The following CARMIL3 variants were observed in gnomAD, a reference collection of about 807,000 sequenced individuals.
CARMIL3 encodes capping protein regulator and myosin 1 linker 3.
A neutral mutation model predicts 180.8 loss-of-function variants in CARMIL3; 88 were observed. The ratio of observed to expected loss-of-function variants is 0.49; its 90% CI spans 0.41 to 0.58. The LOEUF is 0.58. Ranked by LOEUF, CARMIL3 falls within the 20% of genes least tolerant of loss-of-function variation. CARMIL3 has a pLI of 0.00. For synonymous variants in CARMIL3, 696 were observed against 714.5 expected (o/e 0.97, Z 0.41); for missense variants, 1,548 against 1,787.0 (o/e 0.87, Z 2.41).
At position 24,052,098 on chromosome 14, in the gene CARMIL3, G is replaced by A. The variant is rs2035621271; in HGVS notation, c.-56G>A. 2 of 1,513,300 alleles carry A rather than the reference G, an allele frequency of 1.3e-6. No homozygotes were observed. Among genetic ancestry groups the A allele is most frequent in the Non-Finnish European group, 1.8e-6 (2 of 1,134,746 alleles). The allele number at this position is 1,513,300 out of a possible 1,614,324, so 93.7% of individuals were successfully genotyped here. On this transcript the variant is annotated 5_prime_UTR_variant, in exon 1 of 40. Transcript: ENST00000342740. Reference sequence around the variant, plus strand: ...TGAAGCCGGGTCTAGCATGTGCCGCGGCTCCCCGGCGGCGGCGGCGGCTCC... The same window carrying A: ...TGAAGCCGGGTCTAGCATGTGCCGCAGCTCCCCGGCGGCGGCGGCGGCTCC...
At chr14:24,060,330 TG>T in intron 24 of CARMIL3, 75 bp downstream of exon 24, 1 of 1,516,326 alleles carries the variant, frequency 6.6e-7, no homozygotes, top group Non-Finnish European at 9.1e-7. Flanking sequence ...GAAAATTGAG[TG>T]GGGGAGCATG....
chr14:24,058,526 G>C lies in CARMIL3; in HGVS notation c.1393-154G>C, dbSNP rs1251029950. ...GCCGAAGGGAGGGAAGCCAGCTCTA[G>C]GGAAGGATCTGGTGTGGGGAAAGAG... On this transcript the variant is annotated intron_variant, in intron 17 of 39. Transcript: ENST00000342740. The surrounding 1 kb of genome is among the most constrained non-coding windows in gnomAD (Gnocchi z 6.4). 6.6e-6 allele frequency among the ~76,000 whole-genome samples: 1 copy of C among 152,212 alleles called. No homozygotes were observed. Among genetic ancestry groups the C allele is most frequent in the African/African-American group, 2.4e-5 (1 of 41,452 alleles).
In CARMIL3 at chr14:24,068,794, C is replaced by A; in HGVS notation, c.3810C>A (p.Asp1270Glu). Residue 1270 changes from aspartate (D) to glutamate (E), a missense_variant, in exon 38 of 40, where the codon GAC becomes GAA. By Grantham distance (45) the Asp-to-Glu change is conservative. Transcript: ENST00000342740. ...TLPARNAKLQ[D>E]PALAPWPPKP... ...CTTCCTTCCTCTGCCAGCTACAGGA[C>A]CCCGCTCTAGCTCCATGGCCTCCCA... 1 of 1,614,058 alleles carries A rather than the reference C, an allele frequency of 6.2e-7. No individual in the cohort carries two copies. The highest frequency in any genetic ancestry group is 8.5e-7 in the Non-Finnish European group (1 of 1,180,030).
chr14:24,058,649 C>T lies in CARMIL3; in HGVS notation c.1393-31C>T. 1 of 1,608,722 alleles carries T rather than the reference C, an allele frequency of 6.2e-7. No individual in the cohort carries two copies. The highest frequency in any genetic ancestry group is 8.5e-7 in the Non-Finnish European group (1 of 1,176,738). ...AGGTGCCCTACCCCCACCCCAACCC[C>T]TGCCTTCCCTACCTCACCTTGTCCC... On this transcript the variant is annotated intron_variant, in intron 17 of 39. Transcript: ENST00000342740. This position sits in a 1 kb window ranked among gnomAD's most constrained non-coding sequence, Gnocchi z 6.4.
intron 10 of CARMIL3, 64 bp from the exon 11 acceptor site, chr14:24,056,235 G>A: frequency 7.3e-7 from 1 of 1,370,864 alleles, no homozygotes; most frequent in South Asian, 1.3e-5. Flanking sequence ...GAGGAGGAGG[G>A]GAAGCCCAGA....
chr14:24,067,847 C>A (rs2035802848), intron 36 of CARMIL3, among the ~76,000 whole-genome samples: 1 of 152,260 alleles, frequency 6.6e-6, no homozygotes, highest in South Asian at 2.1e-4. Flanking sequence ...GATGAGTGTG[C>A]CAGGGCACCC....
At chr14:24,055,333 C>T in intron 8 of CARMIL3, 23 bp downstream of exon 8, 8 of 1,613,222 alleles carry the variant, frequency 5.0e-6, no homozygotes, top group Non-Finnish European at 6.8e-6. Flanking sequence ...GGCAGAGACT[C>T]CACCCTCAAA....
chr14:24,064,308 G>A lies in CARMIL3; in HGVS notation c.3042G>A (p.Glu1014=). 3 of 1,612,868 alleles carry A rather than the reference G, an allele frequency of 1.9e-6. No homozygotes were observed. Among genetic ancestry groups the A allele is most frequent in the Non-Finnish European group, 2.5e-6 (3 of 1,179,458 alleles). ...CCACCCGCCTGGATGAAGGGCTGGA[G>A]GACTTCTTCAGCCGAAGGGTCCTGG... ...GMATRLDEGL[E]DFFSRRVLEE... The change falls in exon 32 of 40, where the codon GAG becomes GAA. Residue 1014 remains glutamate, a synonymous_variant. Coordinates refer to ENST00000342740, the MANE Select transcript of CARMIL3 (RefSeq NM_138360.4).
intron 31 of CARMIL3, 134 bp from the exon 32 acceptor site, chr14:24,064,112 G>T: frequency 7.2e-5 from 23 of 318,124 alleles, no homozygotes; most frequent in Non-Finnish European, 1.1e-4. Flanking sequence ...AAAAAAAAAA[G>T]AAAAAGAAAC....
Position 24,069,181 on chromosome 14 carries a change from A to AG in CARMIL3, c.4029dup (p.Thr1344AspfsTer8). On this transcript the variant is annotated frameshift_variant, in exon 39 of 40. Transcript: ENST00000342740. LOFTEE classifies it high-confidence loss of function. ...GCGGACTGCCCCCCTGAAGCCCAAG[A>AG]GGACACGGCGGGCACAGTCCTGTGA... 6.2e-7 allele frequency: 1 copy of AG among 1,613,998 alleles called. No individual in the cohort carries two copies. The highest frequency in any genetic ancestry group is 8.5e-7 in the Non-Finnish European group (1 of 1,179,980).
In CARMIL3 at chr14:24,059,487, C is replaced by A; in HGVS notation, c.1799+45C>A. 4 of 1,545,458 alleles carry A rather than the reference C, an allele frequency of 2.6e-6. No homozygotes were observed. The highest frequency in any genetic ancestry group is 3.5e-6 in the Non-Finnish European group (4 of 1,142,524). Reference sequence around the variant, plus strand: ...CCCCTGACCTGGAGCCCCAGCCCCTCCCCATATGTACATAATCTCCCTGCT... The same window carrying A: ...CCCCTGACCTGGAGCCCCAGCCCCTACCCATATGTACATAATCTCCCTGCT... On this transcript the variant is annotated intron_variant, in intron 21 of 39. Coordinates refer to ENST00000342740, the MANE Select transcript of CARMIL3 (RefSeq NM_138360.4). The surrounding 1 kb of genome is among the most constrained non-coding windows in gnomAD (Gnocchi z 6.3).
In CARMIL3 at chr14:24,053,700, C is replaced by G. The variant is rs200908742; in HGVS notation, c.41-9C>G. ...GTGAAGCTCTGAGCAGGCTCCCACC[C>G]CCCCTCAGACAGCATCCGGAGGTGC... On this transcript the variant is annotated splice_polypyrimidine_tract_variant and intron_variant, in intron 1 of 39. Coordinates refer to ENST00000342740, the MANE Select transcript of CARMIL3 (RefSeq NM_138360.4). The G allele has an allele frequency of 3.4e-4, 542 of 1,601,986 alleles. 6 individuals are homozygous for G. In the East Asian group the frequency reaches 0.011, roughly 32 times the overall value.
chr14:24,052,360 C>T (rs1239169413), intron 1 of CARMIL3, among the ~76,000 whole-genome samples, 167 bp downstream of exon 1: 4 of 152,226 alleles, frequency 2.6e-5, no homozygotes, highest in Non-Finnish European at 5.9e-5. Context: ...GTCCCCGGAG[C>T]ATCCTCCGCT....
At chr14:24,052,287 A>C in intron 1 of CARMIL3, 94 bp downstream of exon 1, 30 of 1,280,272 alleles carry the variant, frequency 2.3e-5, no homozygotes, top group South Asian at 2.9e-5. Flanking sequence ...CCGGTGTCTC[A>C]CACCCCTCAC....
rs1230389269 is a variant in CARMIL3, at chr14:24,061,485, C to T, written c.2305-12C>T. Reference sequence around the variant, plus strand: ...CCCCTTGGGCCTCTGGCCTCCCTTTCCCCCATACTAGGTGATCCTGGAGTC... The same window carrying T: ...CCCCTTGGGCCTCTGGCCTCCCTTTTCCCCATACTAGGTGATCCTGGAGTC... On this transcript the variant is annotated splice_polypyrimidine_tract_variant and intron_variant, in intron 26 of 39. Transcript: ENST00000342740. This position sits in a 1 kb window ranked among gnomAD's most constrained non-coding sequence, Gnocchi z 4.1. 1.9e-6 allele frequency: 3 copies of T among 1,608,506 alleles called. No individual in the cohort carries two copies. The highest frequency in any genetic ancestry group is 2.5e-6 in the Non-Finnish European group (3 of 1,176,994).
Position 24,059,326 on chromosome 14 carries a change from C to T in CARMIL3, c.1683C>T (p.Leu561=), listed in dbSNP as rs2035706158. 12 of 1,614,034 alleles carry T rather than the reference C, an allele frequency of 7.4e-6. No homozygotes were observed. Among genetic ancestry groups the T allele is most frequent in the African/African-American group, 1.3e-5 (1 of 75,046 alleles). Reference sequence around the variant, plus strand: ...GGCTGAAGCTTCGCACCAGCATCCTCATCAATGCCCTGGGCAGCAACACCT... The same window carrying T: ...GGCTGAAGCTTCGCACCAGCATCCTTATCAATGCCCTGGGCAGCAACACCT... The part of the protein sequence containing the change: ...DSRLKLRTSI[L]INALGSNTCL... The change falls in exon 21 of 40, where the codon CTC becomes CTT. Residue 561 remains leucine, a synonymous_variant. Coordinates refer to ENST00000342740, the MANE Select transcript of CARMIL3 (RefSeq NM_138360.4). The surrounding 1 kb of genome is among the most constrained non-coding windows in gnomAD (Gnocchi z 6.3).
intron 34 of CARMIL3, 36 bp from the exon 35 acceptor site, chr14:24,066,362 G>A (rs2035786479): frequency 6.2e-7 from 1 of 1,609,614 alleles, no homozygotes; most frequent in East Asian, 2.2e-5. Context: ...TGCCACAGAG[G>A]AGACTTTCTT....
chr14:24,062,888 C>G (rs1594552527), intron 29 of CARMIL3, 42 bp downstream of exon 29: 1 of 1,576,332 alleles, frequency 6.3e-7, no homozygotes, highest in African/African-American at 1.3e-5. Context: ...AACCTGGGCC[C>G]TGCCCTTAAA....
rs547567163 is a variant in CARMIL3 at position 24,054,900 on chromosome 14, G to A, written c.460+92G>A. 2.2e-4 allele frequency: 314 copies of A among 1,432,482 alleles called. No homozygotes were observed. In the African/African-American group the frequency reaches 4.0e-3, roughly 18 times the overall value. The allele number at this position is 1,432,482 out of a possible 1,614,324, so 88.7% of individuals were successfully genotyped here. On this transcript the variant is annotated intron_variant, in intron 6 of 39. Coordinates refer to ENST00000342740, the MANE Select transcript of CARMIL3 (RefSeq NM_138360.4). The surrounding 1 kb of genome is among the most constrained non-coding windows in gnomAD (Gnocchi z 5.1). ...TGCACAGGGTGTTGCCTGGGCGGGC[G>A]GGCTTTGCCTGCCTGAAGGACTCCC...
Sources: allele counts gnomAD v4.1 joint callset (sites outside exome capture counted in the v4.1 genomes callset), GRCh38; gene constraint gnomAD v4.1.1; non-coding constraint Gnocchi (gnomAD v3.1); transcripts MANE v1.5; gene names NCBI Gene and HGNC (gene_info 2026-07-23, HGNC 2026-07-21).